LYPLAL1: variants seen among roughly 807,000 people sequenced by gnomAD.
LYPLAL1 encodes lysophospholipase like 1.
Under a neutral mutation model 19.7 loss-of-function variants are expected in LYPLAL1, and 23 were observed. That is an observed-to-expected ratio of 1.17 (90% CI 0.84 to 1.65). The LOEUF is 1.65. LYPLAL1 is among the 40% of genes most tolerant of loss of function. The pLI is 0.00. For synonymous variants in LYPLAL1, 119 were observed against 96.3 expected, an observed-to-expected ratio of 1.24 and a Z score of -1.38; for missense variants, 355 against 279.4, an observed-to-expected ratio of 1.27 and a Z score of -1.93.
At chr1:219,298,350 T>C in the LYPLAL1 span, among the ~76,000 whole-genome samples, 3 of 152,190 alleles carry the variant, frequency 2.0e-5, no homozygotes, top group Admixed American at 6.5e-5. Flanking sequence ...TCTTTCATTT[T>C]AAAAGCCAAG....
chr1:219,439,597 A>G, the LYPLAL1 span, among the ~76,000 whole-genome samples: 8 of 152,314 alleles, frequency 5.3e-5, no homozygotes, highest in African/African-American at 1.9e-4. Flanking sequence ...ATATCAAAAT[A>G]GTTAGAATAC....
the LYPLAL1 span, among the ~76,000 whole-genome samples, chr1:219,425,553 G>A: frequency 1.3e-5 from 2 of 152,140 alleles, no homozygotes; most frequent in Non-Finnish European, 1.5e-5. Context: ...TTAAGCCACC[G>A]AAATTTGTTA....
the LYPLAL1 span, among the ~76,000 whole-genome samples, chr1:219,393,852 T>A: frequency 2.0e-5 from 3 of 151,702 alleles, no homozygotes; most frequent in East Asian, 5.8e-4. Flanking sequence ...CTTTTGGCTT[T>A]TTAAAATTTA....
the LYPLAL1 span, among the ~76,000 whole-genome samples, chr1:219,425,071 G>C: frequency 1.3e-5 from 2 of 152,126 alleles, no homozygotes; most frequent in Admixed American, 6.6e-5. Context: ...TTGTTCTGAT[G>C]GCTGGGAAGT....
the LYPLAL1 span, among the ~76,000 whole-genome samples, chr1:219,341,367 T>G: frequency 6.6e-6 from 1 of 152,132 alleles, no homozygotes; most frequent in African/African-American, 2.4e-5. Context: ...ATGCAGAAAT[T>G]CCTTCAGCTC....
intron 1 of LYPLAL1, 72 bp downstream of exon 1, chr1:219,174,053 C>G: frequency 6.3e-7 from 1 of 1,593,390 alleles, no homozygotes. Flanking sequence ...CCCAGTATTG[C>G]CCAAGTGGAG....
the LYPLAL1 span, among the ~76,000 whole-genome samples, chr1:219,400,143 G>A: frequency 1.3e-5 from 2 of 152,094 alleles, no homozygotes; most frequent in South Asian, 4.1e-4. Context: ...GGGGTTCCCA[G>A]CTTCCTTCCC....
At chr1:219,411,130 C>T in the LYPLAL1 span, among the ~76,000 whole-genome samples, 3 of 121,880 alleles carry the variant, frequency 2.5e-5, no homozygotes, top group South Asian at 2.3e-4. Context: ...CTGGTGGGGA[C>T]GTGGAGAGTC....
At chr1:219,260,582 AG>A in the LYPLAL1 span, among the ~76,000 whole-genome samples, 1 of 150,038 alleles carries the variant, frequency 6.7e-6, no homozygotes, top group African/African-American at 2.4e-5. Context: ...ATTGATACAG[AG>A]GGGTCGAATA....
chr1:219,295,756 C>T, the LYPLAL1 span, among the ~76,000 whole-genome samples: 4 of 152,202 alleles, frequency 2.6e-5, no homozygotes, highest in Non-Finnish European at 4.4e-5. Flanking sequence ...CATTGTTGCT[C>T]ATCACAAATC....
the LYPLAL1 span, among the ~76,000 whole-genome samples, chr1:219,317,035 A>G: frequency 6.6e-6 from 1 of 152,210 alleles, no homozygotes; most frequent in African/African-American, 2.4e-5. Flanking sequence ...AATGGCCAAG[A>G]TGGTCAATTT....
At chr1:219,246,614 TC>T in the LYPLAL1 span, among the ~76,000 whole-genome samples, 1 of 152,090 alleles carries the variant, frequency 6.6e-6, no homozygotes, top group Non-Finnish European at 1.5e-5. Context: ...GGAGACAGGG[TC>T]TCACCCTGTT....
chr1:219,399,545 A>T, the LYPLAL1 span, among the ~76,000 whole-genome samples: 745 of 152,190 alleles, frequency 4.9e-3, 6 homozygotes, highest in Non-Finnish European at 7.8e-3. Context: ...CAATGTGGGG[A>T]TTTGCTGTGG....
the LYPLAL1 span, among the ~76,000 whole-genome samples, chr1:219,310,126 A>C: frequency 1.3e-5 from 2 of 152,204 alleles, no homozygotes; most frequent in African/African-American, 4.8e-5. Flanking sequence ...TGAACACTCC[A>C]AGTCTGTTAC....
Position 219,212,138 on chromosome 1 carries a change from CTA to C in LYPLAL1, c.*411_*412del, listed in dbSNP as rs1429107598. On this transcript the variant is annotated 3_prime_UTR_variant, in exon 5 of 5. Transcript: ENST00000366928. ...TTTTCCACGGAATAACATTAATACT[CTA>C]GGTTTATAAACCGGTTTCACATTAT... is the stretch of plus-strand genomic sequence containing the variant. 6.5e-6 allele frequency: 1 copy of C among 153,992 alleles called. No individual in the cohort carries two copies. Among genetic ancestry groups the C allele is most frequent in the African/African-American group, 2.4e-5 (1 of 41,440 alleles). The allele number at this position is 153,992 out of a possible 1,614,324, so 9.5% of individuals were successfully genotyped here. A position where few individuals can be genotyped will look rare whatever the true frequency, so the allele number is the denominator to read the frequency against.
the LYPLAL1 span, among the ~76,000 whole-genome samples, chr1:219,362,149 T>C: frequency 6.6e-6 from 1 of 152,266 alleles, no homozygotes; most frequent in Middle Eastern, 3.4e-3. Flanking sequence ...TGAAACAACT[T>C]GTCCGAGGTA....
At chr1:219,343,040 G>A in the LYPLAL1 span, among the ~76,000 whole-genome samples, 2 of 152,180 alleles carry the variant, frequency 1.3e-5, no homozygotes, top group East Asian at 1.9e-4. Flanking sequence ...TGTATCTGGC[G>A]CTTGAGGATT....
the LYPLAL1 span, among the ~76,000 whole-genome samples, chr1:219,361,168 G>A: frequency 2.0e-5 from 3 of 152,166 alleles, no homozygotes; most frequent in Middle Eastern, 3.2e-3. Context: ...AGTCTGTTTT[G>A]CACAGGTTAA....
At chr1:219,254,587 A>C in the LYPLAL1 span, among the ~76,000 whole-genome samples, 1 of 152,006 alleles carries the variant, frequency 6.6e-6, no homozygotes, top group African/African-American at 2.4e-5. Context: ...TTTTACTTTA[A>C]GAGTTTTGAA....
Sources: gnomAD v4.1 joint callset for allele counts (sites outside exome capture counted in the v4.1 genomes callset) on GRCh38, gnomAD v4.1.1 for gene constraint, MANE v1.5 for transcripts, NCBI Gene and HGNC (gene_info 2026-07-23, HGNC 2026-07-21) for gene names.